MARCHF7: variants seen among roughly 807,000 people sequenced by gnomAD.
MARCHF7 encodes membrane associated ring-CH-type finger 7.
In MARCHF7, 20 loss-of-function variants were observed where a neutral mutation model predicts 76.5. The ratio of observed to expected loss-of-function variants is 0.26; its 90% CI spans 0.18 to 0.38. The LOEUF is 0.38. Among genes scored for constraint, MARCHF7 ranks in the 10% least tolerant of loss-of-function variants. MARCHF7 has a pLI of 1.00. For missense variants in MARCHF7, 797 were observed against 812.9 expected, an observed-to-expected ratio of 0.98 and a Z score of 0.24; for synonymous variants, 295 against 293.0, an observed-to-expected ratio of 1.01 and a Z score of -0.07.
At chr2:159,734,721 C>T (rs1703243873) in intron 4 of MARCHF7, among the ~76,000 whole-genome samples, 1 of 150,976 alleles carries the variant, frequency 6.6e-6, no homozygotes, top group East Asian at 1.9e-4. Context: ...CCTTTAATCT[C>T]AGCACTTTGG....
intron 1 of MARCHF7, among the ~76,000 whole-genome samples, chr2:159,713,575 A>G (rs553928041): frequency 2.0e-4 from 30 of 152,346 alleles, no homozygotes; most frequent in African/African-American, 4.8e-4. Context: ...AAGATGTAGG[A>G]TTAAAGATGA....
Position 159,762,958 on chromosome 2 carries a change from A to C in MARCHF7, c.1972A>C (p.Met658Leu), listed in dbSNP as rs766767698. Residue 658 changes from methionine (M) to leucine (L), a missense_variant, in exon 10 of 12, where the codon ATG (methionine) becomes CTG (leucine). Coordinates refer to ENST00000409175, the MANE Select transcript of MARCHF7 (RefSeq NM_001282805.2). The stretch of plus-strand genomic sequence containing the variant: ...GTGCGAACAAAGCTTTTCTGATATG[A>C]TGGGAAATACAAATGAACCAAGCAC... ...HLCEQSFSDM[M>L]GNTNEPSTRV... 1.2e-6 allele frequency: 2 copies of C among 1,612,756 alleles called. No individual in the cohort carries two copies. Among genetic ancestry groups the C allele is most frequent in the Non-Finnish European group, 1.7e-6 (2 of 1,179,598 alleles).
At chr2:159,764,578 C>T (rs759860611) in intron 10 of MARCHF7, 48 bp from the exon 11 acceptor site, 8 of 1,404,112 alleles carry the variant, frequency 5.7e-6, no homozygotes, top group Non-Finnish European at 6.9e-6. Flanking sequence ...CTCTTTAGAT[C>T]CATTTGCAAC....
At chr2:159,759,771 A>G (rs1293799934) in intron 9 of MARCHF7, among the ~76,000 whole-genome samples, 1 of 152,184 alleles carries the variant, frequency 6.6e-6, no homozygotes, top group Non-Finnish European at 1.5e-5. Flanking sequence ...AAACAAAGAT[A>G]TGCTGTAAAA....
At position 159,743,182 on chromosome 2, in the gene MARCHF7, C is replaced by G. The variant is rs745918662; in HGVS notation, c.275C>G (p.Pro92Arg). 6.8e-6 allele frequency: 11 copies of G among 1,614,062 alleles called. No homozygotes were observed. In the Admixed American group the frequency reaches 1.0e-4, roughly 15 times the overall value. ...CAACGGGATCATGATTCAAAAAGACCTAAACTTTCCTGTACAAACTGTACT... is the reference window on the plus strand; with the variant it reads ...CAACGGGATCATGATTCAAAAAGACGTAAACTTTCCTGTACAAACTGTACT... The part of the protein sequence containing the change: ...NQQRDHDSKR[P>R]KLSCTNCTTS... The change falls in exon 5 of 12, where the codon CCT becomes CGT. Residue 92 changes from proline to arginine, a missense_variant. This residue lies in a region of MARCHF7 where 643 missense variants were observed against 631.5 expected (regional missense o/e 1.02). Transcript: ENST00000409175.
At position 159,748,164 on chromosome 2, in the gene MARCHF7, TCTA is replaced by T. The variant is rs769663420; in HGVS notation, c.877_879del (p.Thr293del). On this transcript the variant is annotated inframe_deletion, in exon 7 of 12. Coordinates refer to ENST00000409175, the MANE Select transcript of MARCHF7 (RefSeq NM_001282805.2). Reference sequence around the variant, plus strand: ...GTCACGCATAGCTTCTAGCATGTCATCTACTTTTTTTTCACGAAGATCTAGTCA... The same window carrying T: ...GTCACGCATAGCTTCTAGCATGTCATCTTTTTTTTCACGAAGATCTAGTCA... 6.2e-6 allele frequency: 10 copies of T among 1,612,954 alleles called. No individual in the cohort carries two copies. Among genetic ancestry groups the T allele is most frequent in the Non-Finnish European group, 8.5e-6 (10 of 1,179,660 alleles).
chr2:159,769,965 T>G lies in MARCHF7; in HGVS notation c.*2623T>G, dbSNP rs980049373. 2.6e-5 allele frequency: 4 copies of G among 152,198 alleles called. No homozygotes were observed. Among genetic ancestry groups the G allele is most frequent in the Admixed American group, 1.3e-4 (2 of 15,278 alleles). The allele number at this position is 152,198 out of a possible 1,614,324, so 9.4% of individuals were successfully genotyped here. A position where few individuals can be genotyped will look rare whatever the true frequency, so the allele number is the denominator to read the frequency against. On this transcript the variant is annotated 3_prime_UTR_variant, in exon 12 of 12. Coordinates refer to ENST00000409175, the MANE Select transcript of MARCHF7 (RefSeq NM_001282805.2). ...TTCGAAAACTGGATTTTAAACTAAA[T>G]TTACTTAAATAGCCTCATGTGGCTA...
At chr2:159,732,977 G>A (rs1295831988) in intron 4 of MARCHF7, 53 of 957,612 alleles carry the variant, frequency 5.5e-5, no homozygotes, top group Non-Finnish European at 6.3e-5. Flanking sequence ...GAATACATGT[G>A]AAGCACTTGG....
chr2:159,766,741 C>T (rs1707811726), intron 11 of MARCHF7, among the ~76,000 whole-genome samples: 1 of 152,102 alleles, frequency 6.6e-6, no homozygotes, highest in African/African-American at 2.4e-5. Context: ...TTAATTTAGG[C>T]TGTGTCTATA....
chr2:159,729,573 C>T (rs886926420), intron 4 of MARCHF7, among the ~76,000 whole-genome samples: 2 of 151,208 alleles, frequency 1.3e-5, no homozygotes, highest in African/African-American at 2.4e-5. Context: ...CTTGGGAGGC[C>T]GAAGAGGGAG....
intron 10 of MARCHF7, among the ~76,000 whole-genome samples, chr2:159,764,164 G>A (rs1316799902): frequency 1.3e-5 from 2 of 150,416 alleles, no homozygotes; most frequent in African/African-American, 4.9e-5. Context: ...GTATAGAACT[G>A]TATACTTTTA....
rs571236770 is a variant in MARCHF7, at chr2:159,766,528, G to A, written c.2057-756G>A. On this transcript the variant is annotated intron_variant, in intron 11 of 11. Transcript: ENST00000409175. ...TTAGTGAGCTTGCATTTTCTTACAC[G>A]TGCAAAGCAGTTCATAGAATTCATA... is the stretch of plus-strand genomic sequence containing the variant. Among the ~76,000 whole-genome samples, 103 of 152,186 alleles carry A rather than the reference G, an allele frequency of 6.8e-4. 1 individual carries two copies. Among genetic ancestry groups the A allele is most frequent in the South Asian group, 5.2e-3 (25 of 4,816 alleles).
In MARCHF7 at chr2:159,769,194, C is replaced by T. The variant is rs1708053175; in HGVS notation, c.*1852C>T. ...TTTAAAATGTTATTCTGAATATCTG[C>T]CAAAGAATTATATTGTTATTACTAG... On this transcript the variant is annotated 3_prime_UTR_variant, in exon 12 of 12. Transcript: ENST00000409175. The T allele has an allele frequency of 6.6e-6, 1 of 152,090 alleles. No homozygotes were observed. Among genetic ancestry groups the T allele is most frequent in the Non-Finnish European group, 1.5e-5 (1 of 68,006 alleles). The allele number at this position is 152,090 out of a possible 1,614,324, so 9.4% of individuals were successfully genotyped here.
Position 159,767,384 on chromosome 2 carries a change from T to C in MARCHF7, c.*42T>C. 6.2e-6 allele frequency: 9 copies of C among 1,453,298 alleles called. No individual in the cohort carries two copies. Among genetic ancestry groups the C allele is most frequent in the Non-Finnish European group, 8.6e-6 (9 of 1,045,726 alleles). 90.0% of individuals were successfully genotyped at this position (1,453,298 alleles called of 1,614,324 possible). A position where few individuals can be genotyped will look rare whatever the true frequency, so the allele number is the denominator to read the frequency against. On this transcript the variant is annotated 3_prime_UTR_variant, in exon 12 of 12. Coordinates refer to ENST00000409175, the MANE Select transcript of MARCHF7 (RefSeq NM_001282805.2). The stretch of plus-strand genomic sequence containing the variant: ...TGGATGATCTGTGAACATAAGTGTT[T>C]ATTAAAAATGGCAATTAAATATAAA...
Position 159,748,483 on chromosome 2 carries a change from T to C in MARCHF7, c.1193T>C (p.Phe398Ser). Residue 398 changes from phenylalanine to serine, a missense_variant, in exon 7 of 12, where the codon TTC becomes TCC. Phe to Ser is a radical substitution (Grantham distance 155, BLOSUM62 -2). Transcript: ENST00000409175. ...SSLRNRCTPL[F>S]SRRRREGRDE... ...CTTAGAAATAGATGCACACCTTTGT[T>C]CTCTAGAAGGAGGCGAGAGGGAAGA... The C allele has an allele frequency of 6.2e-7, 1 of 1,614,128 alleles. No homozygotes were observed. Among genetic ancestry groups the C allele is most frequent in the Non-Finnish European group, 8.5e-7 (1 of 1,180,000 alleles).
At chr2:159,733,833 CACTT>C (rs1703117745) in intron 4 of MARCHF7, 1 of 1,170,530 alleles carries the variant, frequency 8.5e-7, no homozygotes. Flanking sequence ...TGGTTTCTCT[CACTT>C]ACACGATTAT....
chr2:159,748,749 G>A lies in MARCHF7; in HGVS notation c.1459G>A (p.Ala487Thr). 1.2e-6 allele frequency: 2 copies of A among 1,614,120 alleles called. No homozygotes were observed. Among genetic ancestry groups the A allele is most frequent in the Non-Finnish European group, 1.7e-6 (2 of 1,180,016 alleles). Residue 487 changes from alanine (A) to threonine (T), a missense_variant, in exon 7 of 12, where the codon GCA (alanine) becomes ACA (threonine). Coordinates refer to ENST00000409175, the MANE Select transcript of MARCHF7 (RefSeq NM_001282805.2). The part of the protein sequence containing the change: ...GILPGSLFRF[A>T]VPPALGSNLT... ...TCTTCCTGGTTCCTTATTCCGGTTT[G>A]CAGTCCCTCCAGCACTTGGGAGTAA... is the stretch of plus-strand genomic sequence containing the variant.
chr2:159,716,948 C>T (rs1418636401), intron 3 of MARCHF7, among the ~76,000 whole-genome samples: 2 of 152,282 alleles, frequency 1.3e-5, no homozygotes, highest in South Asian at 4.1e-4. Flanking sequence ...TTTTACAGTT[C>T]TAGGTGCCTG....
At chr2:159,744,215 C>G (rs897274796) in intron 5 of MARCHF7, among the ~76,000 whole-genome samples, 1 of 151,844 alleles carries the variant, frequency 6.6e-6, no homozygotes, top group Admixed American at 6.6e-5. Context: ...GTCTCGATCT[C>G]CTGACCTCGT....
Sources: allele counts gnomAD v4.1 joint callset (sites outside exome capture counted in the v4.1 genomes callset), GRCh38; gene constraint gnomAD v4.1.1; regional missense constraint gnomAD v4.1.1; transcripts MANE v1.5; gene names NCBI Gene and HGNC (gene_info 2026-07-23, HGNC 2026-07-21).